Variants in NBN observed in about 807,000 individuals in gnomAD.
The protein encoded by NBN is Nijmegen breakage syndrome 1 (nibrin).
NBN carries 88 observed loss-of-function variants against 90.8 expected under a neutral mutation model. The observed-to-expected ratio is 0.97, with a 90% CI of 0.82 to 1.16. The LOEUF (loss-of-function observed/expected upper bound fraction) is 1.16. Ranked by LOEUF, NBN falls within the 50% of genes most tolerant of loss-of-function variation. The probability of loss-of-function intolerance (pLI) is 0.00; values close to 1 mark genes in which losing one functional copy is unlikely to be tolerated. For synonymous variants in NBN, 328 were observed against 295.1 expected, an observed-to-expected ratio of 1.11 and a Z score of -1.14; for missense variants, 894 against 869.6, an observed-to-expected ratio of 1.03 and a Z score of -0.35.
intron 7 of NBN, among the ~76,000 whole-genome samples, chr8:89,965,516 A>G (rs1351427423): frequency 1.3e-5 from 2 of 150,792 alleles, no homozygotes; most frequent in Non-Finnish European, 3.0e-5. Context: ...TGAGACAGAG[A>G]CTTGCTCTTT....
intron 15 of NBN, 77 bp downstream of exon 15, chr8:89,936,949 T>C (rs1455050974): frequency 1.7e-6 from 2 of 1,191,504 alleles, no homozygotes; most frequent in East Asian, 2.3e-5. Flanking sequence ...AAGAAACAAA[T>C]TCTTAATTTC....
At chr8:89,966,355 G>A (rs1811253442) in intron 7 of NBN, among the ~76,000 whole-genome samples, 2 of 152,172 alleles carry the variant, frequency 1.3e-5, no homozygotes, top group Non-Finnish European at 2.9e-5. Flanking sequence ...TGGCAAGATG[G>A]CTGGATATAA....
chr8:89,981,958 C>T (rs1459538711), intron 2 of NBN: 2 of 1,188,786 alleles, frequency 1.7e-6, no homozygotes, highest in South Asian at 1.4e-5. Flanking sequence ...CTTACAGTAA[C>T]AATTTTACTT....
intron 13 of NBN, among the ~76,000 whole-genome samples, chr8:89,943,679 T>A (rs1810055807): frequency 6.6e-6 from 1 of 152,216 alleles, no homozygotes; most frequent in Non-Finnish European, 1.5e-5. Flanking sequence ...CAACTCAAGA[T>A]GAACACAAAC....
At chr8:89,980,919 A>C (rs72563755) in intron 3 of NBN, 26 bp from the exon 4 acceptor site, 1 of 1,606,680 alleles carries the variant, frequency 6.2e-7, no homozygotes, top group East Asian at 2.2e-5. Context: ...AGTTAAATAA[A>C]GTCATAGTAT....
intron 12 of NBN, 127 bp from the exon 13 acceptor site, chr8:89,946,422 G>T: frequency 1.2e-6 from 1 of 813,548 alleles, no homozygotes. Context: ...TTTATTTCTT[G>T]TACCTGAACT....
At chr8:89,950,381 G>A (rs911066918) in intron 11 of NBN, among the ~76,000 whole-genome samples, 2 of 152,162 alleles carry the variant, frequency 1.3e-5, no homozygotes, top group Non-Finnish European at 2.9e-5. Context: ...TAAGTGCTAC[G>A]TAAGTAGTTG....
rs1554558484 is a variant in NBN, at chr8:89,953,595, G to C, written c.1494C>G (p.Pro498=). 6.2e-6 allele frequency: 10 copies of C among 1,613,478 alleles called. No individual in the cohort carries two copies. The highest frequency in any genetic ancestry group is 8.5e-6 in the Non-Finnish European group (10 of 1,179,672). Residue 498 remains proline, a synonymous_variant, in exon 11 of 16, where the codon CCC becomes CCG. Transcript: ENST00000265433. ...GCTGCTCCTTATTTTTCCACAATGAGGGTGTAGCAGGTTGTGTTTGTTCTA... is the reference window on the plus strand; with the variant it reads ...GCTGCTCCTTATTTTTCCACAATGACGGTGTAGCAGGTTGTGTTTGTTCTA... ...SLLEQTQPAT[P]SLWKNKEQHL...
At chr8:89,944,664 G>A (rs1323975251) in intron 13 of NBN, among the ~76,000 whole-genome samples, 1 of 152,066 alleles carries the variant, frequency 6.6e-6, no homozygotes, top group Non-Finnish European at 1.5e-5. Context: ...TGCAACCTCC[G>A]CCTCCTGGGC....
At chr8:89,938,820 G>A (rs1389234911) in intron 14 of NBN, among the ~76,000 whole-genome samples, 1 of 152,100 alleles carries the variant, frequency 6.6e-6, no homozygotes, top group Non-Finnish European at 1.5e-5. Context: ...TAAATGGGAA[G>A]ACATCATTTT....
intron 14 of NBN, among the ~76,000 whole-genome samples, chr8:89,939,629 T>A (rs1199729620): frequency 1.3e-5 from 2 of 152,196 alleles, no homozygotes; most frequent in African/African-American, 2.4e-5. Context: ...TGATTCCTAA[T>A]ACTGTCTCAA....
intron 5 of NBN, among the ~76,000 whole-genome samples, chr8:89,972,204 C>T (rs1811551495): frequency 2.0e-5 from 3 of 152,208 alleles, no homozygotes; most frequent in South Asian, 4.1e-4. Flanking sequence ...AATTACCTTA[C>T]ATCTTTCCCC....
intron 2 of NBN, chr8:89,981,911 C>A (rs768651844): frequency 1.1e-6 from 1 of 916,714 alleles, no homozygotes; most frequent in East Asian, 5.1e-5. Context: ...AAAAATTAGT[C>A]CCATGAGAAT....
intron 14 of NBN, 79 bp from the exon 15 acceptor site, chr8:89,937,154 T>C: frequency 7.3e-7 from 1 of 1,373,606 alleles, no homozygotes; most frequent in Admixed American, 1.7e-5. Context: ...GATAGGTCAC[T>C]GTCATCTTAG....
intron 8 of NBN, among the ~76,000 whole-genome samples, chr8:89,960,215 A>C (rs1287340156): frequency 6.6e-6 from 1 of 152,234 alleles, no homozygotes; most frequent in South Asian, 2.1e-4. Flanking sequence ...AAATTCAGAT[A>C]TTTAAATGAC....
rs754659423 is a variant in NBN at position 89,970,362 on chromosome 8, A to G, written c.896+2T>C. 2 of 1,601,432 alleles carry G rather than the reference A, an allele frequency of 1.2e-6. No individual in the cohort carries two copies. Among genetic ancestry groups the G allele is most frequent in the Non-Finnish European group, 1.7e-6 (2 of 1,168,876 alleles). ...TTTTACTAATAAAGAATAATTCTAT[A>G]CCTTTGGAGCATATCCATTATTGAC... On this transcript the variant is annotated splice_donor_variant, in intron 7 of 15. Coordinates refer to ENST00000265433, the MANE Select transcript of NBN (RefSeq NM_002485.5). LOFTEE classifies it high-confidence loss of function.
chr8:89,982,899 A>G (rs753018209), intron 1 of NBN, 44 bp from the exon 2 acceptor site: 1 of 1,581,572 alleles, frequency 6.3e-7, no homozygotes, highest in Non-Finnish European at 8.7e-7. Flanking sequence ...TGATAGACAC[A>G]TACACATGTA....
chr8:89,948,973 A>G (rs1810323433), intron 11 of NBN, among the ~76,000 whole-genome samples: 1 of 152,200 alleles, frequency 6.6e-6, no homozygotes, highest in Non-Finnish European at 1.5e-5. Context: ...CTCAGAATAT[A>G]AGCTTGGAAA....
At chr8:89,960,910 T>C (rs1184735499) in intron 8 of NBN, among the ~76,000 whole-genome samples, 1 of 152,172 alleles carries the variant, frequency 6.6e-6, no homozygotes, top group African/African-American at 2.4e-5. Context: ...CCCCCAAAGT[T>C]GGTTGTGCTA....
Sources: allele counts gnomAD v4.1 joint callset (sites outside exome capture counted in the v4.1 genomes callset), GRCh38; gene constraint gnomAD v4.1.1; transcripts MANE v1.5; gene names NCBI Gene and HGNC (gene_info 2026-07-23, HGNC 2026-07-21).